Variants in USH2A observed in about 807,000 individuals in gnomAD.
USH2A encodes usherin, also known as Usher syndrome 2A (autosomal recessive, mild).
Under a neutral mutation model 538.9 loss-of-function variants are expected in USH2A, and 443 were observed. That is an observed-to-expected ratio of 0.82 (90% CI 0.76 to 0.89). The LOEUF is 0.89. Ranked by LOEUF, USH2A falls within the 40% of genes least tolerant of loss-of-function variation. USH2A has a pLI of 0.00. For missense variants in USH2A, 6,633 were observed against 6,324.8 expected (o/e 1.05, Z -1.65); for synonymous variants, 2,413 against 2,273.5 (o/e 1.06, Z -1.75).
Position 215,647,546 on chromosome 1 carries a change from T to C in USH2A, c.14767A>G (p.Ile4923Val). The change falls in exon 67 of 72, where the codon ATC (isoleucine) becomes GTC (valine). Residue 4923 changes from isoleucine to valine, a missense_variant. Coordinates refer to ENST00000307340, the MANE Select transcript of USH2A (RefSeq NM_206933.4). ...CATTCTTTTTGGGTGGTGAAACTGA[T>C]CCACTCGGAAGCCGTACTGCCCACC... is the stretch of plus-strand genomic sequence containing the variant. ...NEVGSTASEW[I>V]SFTTQKELPQ... 2.5e-6 allele frequency: 4 copies of C among 1,614,084 alleles called. No homozygotes were observed. Among genetic ancestry groups the C allele is most frequent in the Middle Eastern group, 1.7e-4 (1 of 6,036 alleles).
chr1:215,640,660 G>C lies in USH2A; in HGVS notation c.14866C>G (p.Leu4956Val), dbSNP rs773797360. 6.2e-7 allele frequency: 1 copy of C among 1,613,988 alleles called. No homozygotes were observed. Among genetic ancestry groups the C allele is most frequent in the Non-Finnish European group, 8.5e-7 (1 of 1,180,014 alleles). Reference sequence around the variant, plus strand: ...TACTCCTTCAGTTGGCCGTTCAGGAGGAAGGTGTCACTCCAGTTCACACAC... The same window carrying C: ...TACTCCTTCAGTTGGCCGTTCAGGACGAAGGTGTCACTCCAGTTCACACAC... ...VVCVNWSDTF[L>V]LNGQLKEYVL... Residue 4956 changes from leucine to valine, a missense_variant, in exon 68 of 72, where the codon CTC (leucine) becomes GTC (valine). Physicochemically the swap from Leu to Val is conservative, Grantham distance 32. Transcript: ENST00000307340.
intron 37 of USH2A, among the ~76,000 whole-genome samples, chr1:215,959,898 C>G (rs1239769826): frequency 6.6e-6 from 1 of 152,098 alleles, no homozygotes; most frequent in African/African-American, 2.4e-5. Context: ...CAATGAAGAT[C>G]ACGTCCCAAT....
At chr1:215,895,260 A>G (rs1366914400) in intron 40 of USH2A, among the ~76,000 whole-genome samples, 4 of 152,186 alleles carry the variant, frequency 2.6e-5, no homozygotes, top group Non-Finnish European at 5.9e-5. Flanking sequence ...ATTTTGGGGC[A>G]CCTACTCTAT....
chr1:215,999,363 A>G (rs1011024418), intron 33 of USH2A, among the ~76,000 whole-genome samples: 6 of 152,162 alleles, frequency 3.9e-5, no homozygotes, highest in Non-Finnish European at 8.8e-5. Context: ...TCAGAAGCAG[A>G]ACTTCTGAGA....
At chr1:215,780,580 G>A (rs937974317) in intron 54 of USH2A, among the ~76,000 whole-genome samples, 1 of 152,146 alleles carries the variant, frequency 6.6e-6, no homozygotes, top group Admixed American at 6.5e-5. Flanking sequence ...AAAGAAACAA[G>A]TCAGAAGAAA....
intron 21 of USH2A, among the ~76,000 whole-genome samples, chr1:216,171,403 T>C (rs1311236622): frequency 2.0e-5 from 3 of 152,152 alleles, no homozygotes; most frequent in South Asian, 4.1e-4. Flanking sequence ...CTATTTTCAA[T>C]AGCAAAATTA....
chr1:215,895,555 CCT>C (rs2102465831), intron 40 of USH2A, among the ~76,000 whole-genome samples: 1 of 152,232 alleles, frequency 6.6e-6, no homozygotes, highest in South Asian at 2.1e-4. Flanking sequence ...TCCAGAAGAA[CCT>C]CTGTTCCTTT....
At chr1:215,883,980 AC>A (rs1447690772) in intron 41 of USH2A, among the ~76,000 whole-genome samples, 1 of 152,152 alleles carries the variant, frequency 6.6e-6, no homozygotes, top group African/African-American at 2.4e-5. Flanking sequence ...CATGTTCCAA[AC>A]ACCACATGTT....
At chr1:216,192,428 A>G (rs901367662) in intron 19 of USH2A, among the ~76,000 whole-genome samples, 61 of 152,092 alleles carry the variant, frequency 4.0e-4, no homozygotes, top group African/African-American at 1.4e-3. Flanking sequence ...GCAGTGGCTC[A>G]TGCCTGTAAT....
At chr1:216,148,123 G>C (rs568794392) in intron 21 of USH2A, among the ~76,000 whole-genome samples, 1 of 151,762 alleles carries the variant, frequency 6.6e-6, no homozygotes, top group Non-Finnish European at 1.5e-5. Flanking sequence ...TAATCAATAC[G>C]GAGGCTACCC....
intron 21 of USH2A, among the ~76,000 whole-genome samples, chr1:216,149,002 C>A (rs1192046863): frequency 6.6e-6 from 1 of 152,152 alleles, no homozygotes; most frequent in Non-Finnish European, 1.5e-5. Flanking sequence ...TAAAAACACA[C>A]GTGCTCTCCC....
intron 43 of USH2A, among the ~76,000 whole-genome samples, chr1:215,868,728 G>T (rs1474322174): frequency 2.0e-5 from 3 of 152,156 alleles, no homozygotes; most frequent in African/African-American, 7.2e-5. Flanking sequence ...AAAAGAGAGA[G>T]AAATTTTATA....
At chr1:215,849,530 G>A (rs1341627002) in intron 44 of USH2A, among the ~76,000 whole-genome samples, 2 of 152,014 alleles carry the variant, frequency 1.3e-5, no homozygotes, top group Non-Finnish European at 2.9e-5. Context: ...AACAGAAAAA[G>A]TCTAATTACC....
intron 2 of USH2A, 25 bp downstream of exon 2, chr1:216,421,827 A>C (rs778425580): frequency 1.9e-6 from 3 of 1,613,786 alleles, no homozygotes; most frequent in Non-Finnish European, 2.5e-6. Flanking sequence ...GACCTATGAA[A>C]GCTTATACCT....
chr1:216,344,367 T>C, intron 4 of USH2A, among the ~76,000 whole-genome samples: 1 of 152,108 alleles, frequency 6.6e-6, no homozygotes, highest in East Asian at 1.9e-4. Context: ...ACTTGTTCCT[T>C]GAAGTTGCAA....
In USH2A at chr1:216,034,735, A is replaced by G. The variant is rs1455905466; in HGVS notation, c.6325+11696T>C. On this transcript the variant is annotated intron_variant, in intron 32 of 71. Coordinates refer to ENST00000307340, the MANE Select transcript of USH2A (RefSeq NM_206933.4). ...GACTGTCAGAATACCACTGACTGCCAGAAACCACTGGAGGGCGGGATAGGC... is the reference window on the plus strand; with the variant it reads ...GACTGTCAGAATACCACTGACTGCCGGAAACCACTGGAGGGCGGGATAGGC... 1.3e-5 allele frequency among the ~76,000 whole-genome samples: 2 copies of G among 152,206 alleles called. 1 individual carries two copies. Among genetic ancestry groups the G allele is most frequent in the South Asian group, 4.1e-4 (2 of 4,832 alleles).
chr1:215,778,693 A>G (rs1023713066), intron 55 of USH2A, among the ~76,000 whole-genome samples: 2 of 152,188 alleles, frequency 1.3e-5, no homozygotes, highest in Non-Finnish European at 2.9e-5. Flanking sequence ...GAGGTCATCC[A>G]CTCAGGAAGT....
At chr1:215,816,919 G>T in intron 48 of USH2A, 78 bp downstream of exon 48, 1 of 1,394,244 alleles carries the variant, frequency 7.2e-7, no homozygotes, top group Non-Finnish European at 1.0e-6. Context: ...AATACATCAT[G>T]GTGTGAGAAG....
chr1:216,134,035 G>C (rs919633958), intron 21 of USH2A, among the ~76,000 whole-genome samples: 1 of 152,172 alleles, frequency 6.6e-6, no homozygotes, highest in East Asian at 1.9e-4. Flanking sequence ...ATTGTGTTCT[G>C]TTTGCCAGTG....
Sources: allele counts gnomAD v4.1 joint callset (sites outside exome capture counted in the v4.1 genomes callset), GRCh38; gene constraint gnomAD v4.1.1; transcripts MANE v1.5; gene names NCBI Gene and HGNC (gene_info 2026-07-23, HGNC 2026-07-21).